Variants in IVD observed in about 807,000 individuals in gnomAD.
IVD encodes the protein isovaleryl-CoA dehydrogenase.
In IVD, 31 loss-of-function variants were observed where a neutral mutation model predicts 51.3. That is an observed-to-expected ratio of 0.60 (90% confidence interval 0.45 to 0.81). The LOEUF (loss-of-function observed/expected upper bound fraction) is 0.81. IVD is among the 40% of genes least tolerant of loss of function. IVD has a pLI of 0.00. For synonymous variants in IVD, 205 were observed against 219.4 expected (o/e 0.93, Z 0.58); for missense variants, 475 against 552.0 (o/e 0.86, Z 1.40).
Position 40,415,420 on chromosome 15 carries a change from G to C in IVD, c.898G>C (p.Asp300His). Reference sequence around the variant, plus strand: ...TGACAGGCTCATGCAAGCGGTCCTGGACCACACCATTCCCTACCTGCACGT... The same window carrying C: ...TGACAGGCTCATGCAAGCGGTCCTGCACCACACCATTCCCTACCTGCACGT... ...GPLGLMQAVL[D>H]HTIPYLHVRE... Residue 300 changes from aspartate (D) to histidine (H), a missense_variant, in exon 9 of 12, where the codon GAC (aspartate) becomes CAC (histidine). Coordinates refer to ENST00000487418, the MANE Select transcript of IVD (RefSeq NM_002225.5). 6.2e-7 allele frequency: 1 copy of C among 1,614,112 alleles called. No homozygotes were observed. The highest frequency in any genetic ancestry group is 1.1e-5 in the South Asian group (1 of 91,068).
rs554533147 is a variant in IVD, at chr15:40,414,309, A to C, written c.785-580A>C. ...GCTCCTTCTTTGTTGACAGGAAAAA[A>C]TTCAGCTAGCATTAAAGGCAGGTCA... On this transcript the variant is annotated intron_variant, in intron 7 of 11. Coordinates refer to ENST00000487418, the MANE Select transcript of IVD (RefSeq NM_002225.5). 4.9e-4 allele frequency: 79 copies of C among 160,138 alleles called. 1 individual carries two copies. Among genetic ancestry groups the C allele is most frequent in the African/African-American group, 1.8e-3 (77 of 41,656 alleles). The allele number at this position is 160,138 out of a possible 1,614,324, so 9.9% of individuals were successfully genotyped here.
downstream of IVD, among the ~76,000 whole-genome samples, chr15:40,426,094 G>A (rs143506310): frequency 4.0e-5 from 6 of 151,826 alleles, no homozygotes; most frequent in Non-Finnish European, 8.8e-5. Flanking sequence ...TGTGAGCCAC[G>A]GTGCCCAGCC....
intron 7 of IVD, among the ~76,000 whole-genome samples, chr15:40,430,924 T>A (rs1217178931): frequency 6.6e-6 from 1 of 152,220 alleles, no homozygotes; most frequent in Non-Finnish European, 1.5e-5. Flanking sequence ...ACAATCGACT[T>A]GCAACATTTT....
intron 6 of IVD, among the ~76,000 whole-genome samples, chr15:40,412,328 C>A (rs1343463261): frequency 6.6e-6 from 1 of 152,154 alleles, no homozygotes; most frequent in Non-Finnish European, 1.5e-5. Context: ...AAGCCAGGGG[C>A]CCTGTGAAGG....
chr15:40,409,710 C>T (rs1332087877), intron 3 of IVD, among the ~76,000 whole-genome samples: 2 of 152,132 alleles, frequency 1.3e-5, no homozygotes, highest in Non-Finnish European at 2.9e-5. Flanking sequence ...AAGGAAAAAC[C>T]GTATATTTTA....
chr15:40,431,128 CT>C (rs35473765), intron 7 of IVD, among the ~76,000 whole-genome samples: 3,098 of 139,946 alleles, frequency 0.022, 72 homozygotes, highest in African/African-American at 0.067. Flanking sequence ...TATTATTACG[CT>C]TTTTTTTTTT....
chr15:40,414,814 C>T lies in IVD; in HGVS notation c.785-75C>T. On this transcript the variant is annotated intron_variant, in intron 7 of 11. Transcript: ENST00000487418. ...GTGCCTTACTTGAGAGCCATGTTTC[C>T]AAATCTAGTACCTTTGATAAAAGTG... The T allele has an allele frequency of 2.5e-6, 4 of 1,592,372 alleles. No individual in the cohort carries two copies. In the South Asian group the frequency reaches 4.5e-5, roughly 18 times the overall value.
rs1277276427 is a variant in IVD, at chr15:40,405,884, G to A, written c.57G>A (p.Pro19=). The A allele has an allele frequency of 2.5e-6, 4 of 1,613,216 alleles. No individual in the cohort carries two copies. In the African/African-American group the frequency reaches 5.3e-5, roughly 21 times the overall value. Reference sequence around the variant, plus strand: ...GTGTGGCGAGCTGGAGGCTGCGGCCGCCGCTTGCCGGCTTCGTTTCCCAGC... The same window carrying A: ...GTGTGGCGAGCTGGAGGCTGCGGCCACCGCTTGCCGGCTTCGTTTCCCAGC... The part of the protein sequence containing the change: ...GWRVASWRLR[P]PLAGFVSQRA... The change falls in exon 1 of 12, where the codon CCG becomes CCA. Residue 19 remains proline, a synonymous_variant. Transcript: ENST00000487418.
At chr15:40,425,963 G>C (rs1892647916), downstream of IVD, among the ~76,000 whole-genome samples, 1 of 113,766 alleles carries the variant, frequency 8.8e-6, no homozygotes, top group Non-Finnish European at 1.9e-5. Context: ...GCCCAGTCCG[G>C]CTATTTTTTT....
intron 5 of IVD, 97 bp from the exon 6 acceptor site, chr15:40,411,458 T>C: frequency 1.2e-6 from 2 of 1,603,960 alleles, no homozygotes; most frequent in Non-Finnish European, 1.7e-6. Flanking sequence ...TCCAGAACTT[T>C]CTCAAAGGTG....
At chr15:40,416,526 C>G (rs1256899771) in intron 11 of IVD, among the ~76,000 whole-genome samples, 164 bp downstream of exon 11, 1 of 152,182 alleles carries the variant, frequency 6.6e-6, no homozygotes, top group Non-Finnish European at 1.5e-5. Flanking sequence ...TCAAGACCAG[C>G]CTGGCCAACA....
chr15:40,435,545 G>A, exon 9 of IVD: 3 of 1,191,054 alleles, frequency 2.5e-6, no homozygotes, highest in African/African-American at 1.6e-5. Context: ...CACACCCCGC[G>A]TGCTGCTCCC....
Position 40,411,614 on chromosome 15 carries a change from G to A in IVD, c.610G>A (p.Val204Ile), listed in dbSNP as rs558189416. The A allele has an allele frequency of 3.1e-5, 50 of 1,614,158 alleles. No homozygotes were observed. Among genetic ancestry groups the A allele is most frequent in the South Asian group, 1.8e-4 (16 of 91,080 alleles). The part of the protein sequence containing the change: ...FWITNGPDAD[V>I]LIVYAKTDLA... ...GATCACTAATGGCCCTGATGCTGACGTCCTGATTGTCTATGCCAAGACAGA... is the reference window on the plus strand; with the variant it reads ...GATCACTAATGGCCCTGATGCTGACATCCTGATTGTCTATGCCAAGACAGA... The change falls in exon 6 of 12, where the codon GTC becomes ATC. Residue 204 changes from valine (V) to isoleucine (I), a missense_variant. Physicochemically the swap from Val to Ile is conservative, Grantham distance 29. Transcript: ENST00000487418.
At chr15:40,434,101 G>C (rs1351225921) in intron 8 of IVD, among the ~76,000 whole-genome samples, 4 of 152,186 alleles carry the variant, frequency 2.6e-5, no homozygotes. Flanking sequence ...GGCAAGGTGG[G>C]AGTATGGTAA....
chr15:40,407,587 T>C, intron 1 of IVD, 49 bp from the exon 2 acceptor site: 14 of 1,315,214 alleles, frequency 1.1e-5, no homozygotes, highest in Non-Finnish European at 1.2e-5. Context: ...TGTGTCTGGG[T>C]AGTGGAGATG....
Position 40,420,811 on chromosome 15 carries a change from AG to A in IVD, c.*2549del. On this transcript the variant is annotated 3_prime_UTR_variant, in exon 12 of 12. Coordinates refer to ENST00000487418, the MANE Select transcript of IVD (RefSeq NM_002225.5). ...AAAATGGGGGTGTTCTGAGAATTCC[AG>A]CTTTGGGCCGCACTGTACAGCAGTC... The A allele has an allele frequency of 1.0e-6, 1 of 985,608 alleles. No individual in the cohort carries two copies. The allele number at this position is 985,608 out of a possible 1,614,324, so 61.1% of individuals were successfully genotyped here. A position where few individuals can be genotyped will look rare whatever the true frequency, so the allele number is the denominator to read the frequency against.
At chr15:40,431,283 CG>C (rs1892959472) in intron 7 of IVD, among the ~76,000 whole-genome samples, 1 of 151,994 alleles carries the variant, frequency 6.6e-6, no homozygotes, top group Non-Finnish European at 1.5e-5. Flanking sequence ...CGTGCCCAGC[CG>C]GCTCCACTAT....
rs80175544 is a variant in IVD, at chr15:40,407,526, G to A, written c.145-110G>A. 2,117 of 829,716 alleles carry A rather than the reference G, an allele frequency of 2.6e-3. 21 individuals carry two copies. In the African/African-American group the frequency reaches 0.032, roughly 13 times the overall value. The allele number at this position is 829,716 out of a possible 1,614,324, so 51.4% of individuals were successfully genotyped here. A position where few individuals can be genotyped will look rare whatever the true frequency, so the allele number is the denominator to read the frequency against. ...AGGCATAAACTACTGAGGCCTCTCA[G>A]TTTCAGTCTGATGCTGTTTGGGGAA... On this transcript the variant is annotated intron_variant, in intron 1 of 11. Coordinates refer to ENST00000487418, the MANE Select transcript of IVD (RefSeq NM_002225.5).
In IVD at chr15:40,411,260, C is replaced by G. The variant is rs763665120; in HGVS notation, c.457C>G (p.Leu153Val). Residue 153 changes from leucine (L) to valine (V), a missense_variant and splice_region_variant, in exon 5 of 12, where the codon CTG (leucine) becomes GTG (valine). Transcript: ENST00000487418. Reference sequence around the variant, plus strand: ...GGCCTGTTGGGGGTTTTCCTTGCAGCTGATCAGTGGTGAGTACATCGGAGC... The same window carrying G: ...GGCCTGTTGGGGGTTTTCCTTGCAGGTGATCAGTGGTGAGTACATCGGAGC... ...EAQKEKYLPK[L>V]ISGEYIGALA... 3 of 1,614,112 alleles carry G rather than the reference C, an allele frequency of 1.9e-6. No individual in the cohort carries two copies. Among genetic ancestry groups the G allele is most frequent in the Middle Eastern group, 1.6e-4 (1 of 6,062 alleles).
Sources: gnomAD v4.1 joint callset for allele counts (sites outside exome capture counted in the v4.1 genomes callset) on GRCh38, gnomAD v4.1.1 for gene constraint, MANE v1.5 for transcripts, NCBI Gene and HGNC (gene_info 2026-07-23, HGNC 2026-07-21) for gene names.